Variants in ATXN7L1 observed in about 807,000 individuals in gnomAD.
The protein encoded by ATXN7L1 is ataxin 7 like 1.
In ATXN7L1, 15 loss-of-function variants were observed where a neutral mutation model predicts 70.8. The ratio of observed to expected loss-of-function variants is 0.21; its 90% CI spans 0.14 to 0.33. The LOEUF is 0.33. ATXN7L1 is among the 10% of genes least tolerant of loss of function. ATXN7L1 has a pLI of 1.00. For missense variants in ATXN7L1, 975 were observed against 1,097.1 expected (o/e 0.89, Z 1.57); for synonymous variants, 440 against 445.1 (o/e 0.99, Z 0.14).
chr7:105,707,034 C>G (rs963322251), intron 3 of ATXN7L1, among the ~76,000 whole-genome samples: 4 of 152,202 alleles, frequency 2.6e-5, no homozygotes, highest in Non-Finnish European at 4.4e-5. Flanking sequence ...TTGTTCCATG[C>G]AATGCACAGC....
intron 7 of ATXN7L1, among the ~76,000 whole-genome samples, chr7:105,630,919 A>T (rs1011996459): frequency 1.3e-5 from 2 of 152,068 alleles, no homozygotes; most frequent in African/African-American, 4.8e-5. Flanking sequence ...AACAAAAGAG[A>T]CACACAGGAA....
chr7:105,727,780 A>G (rs1319028373), intron 3 of ATXN7L1, among the ~76,000 whole-genome samples: 4 of 109,278 alleles, frequency 3.7e-5, no homozygotes, highest in Non-Finnish European at 7.2e-5. Context: ...ATATATATAC[A>G]CACACATACA....
At chr7:105,638,227 A>G in intron 7 of ATXN7L1, 126 bp downstream of exon 7, 3 of 1,289,168 alleles carry the variant, frequency 2.3e-6, no homozygotes, top group Non-Finnish European at 3.1e-6. Context: ...AAACTTTACT[A>G]CTTGCCTTAG....
At chr7:105,788,289 C>A (rs1028831935) in intron 3 of ATXN7L1, 1 of 284,978 alleles carries the variant, frequency 3.5e-6, no homozygotes, top group Non-Finnish European at 6.8e-6. Flanking sequence ...AGGAGCGACT[C>A]CTTAAGCAGC....
intron 3 of ATXN7L1, among the ~76,000 whole-genome samples, chr7:105,683,913 T>C (rs536972959): frequency 2.0e-5 from 3 of 152,250 alleles, no homozygotes; most frequent in African/African-American, 7.2e-5. Context: ...GACCTTGAAG[T>C]TGGGACTAAC....
chr7:105,825,625 T>TTTTTTTTTTTTTTTTG (rs1563124044), intron 2 of ATXN7L1, among the ~76,000 whole-genome samples: 1 of 151,834 alleles, frequency 6.6e-6, no homozygotes, highest in Non-Finnish European at 1.5e-5. Flanking sequence ...AGCATGTTTT[T>TTTTTTTTTTTTTTTTG]AAGACACAAG....
intron 4 of ATXN7L1, among the ~76,000 whole-genome samples, chr7:105,645,965 C>G (rs2115948223): frequency 6.6e-6 from 1 of 151,828 alleles, no homozygotes; most frequent in Non-Finnish European, 1.5e-5. Flanking sequence ...TGAGATCATG[C>G]CACTGTACTC....
At chr7:105,673,841 C>G (rs913525229) in intron 3 of ATXN7L1, among the ~76,000 whole-genome samples, 3 of 152,220 alleles carry the variant, frequency 2.0e-5, no homozygotes, top group South Asian at 2.1e-4. Flanking sequence ...GAACCTGGGC[C>G]TGTTGTCTCA....
intron 3 of ATXN7L1, among the ~76,000 whole-genome samples, chr7:105,733,574 C>T (rs1193473826): frequency 7.2e-6 from 1 of 138,418 alleles, no homozygotes; most frequent in African/African-American, 2.8e-5. Context: ...ATCCTTCCAT[C>T]CATCCACCCA....
intron 8 of ATXN7L1, among the ~76,000 whole-genome samples, chr7:105,621,572 A>G (rs942192604): frequency 1.3e-5 from 2 of 152,230 alleles, no homozygotes; most frequent in East Asian, 3.8e-4. Context: ...TGTGGATGAA[A>G]TATTGGCATT....
intron 2 of ATXN7L1, among the ~76,000 whole-genome samples, chr7:105,823,807 T>C (rs1810482162): frequency 1.3e-5 from 2 of 152,208 alleles, no homozygotes; most frequent in African/African-American, 4.8e-5. Flanking sequence ...CAGTGATCTA[T>C]GTGTCTACAG....
chr7:105,731,460 G>T (rs1346201680), intron 3 of ATXN7L1, among the ~76,000 whole-genome samples: 1 of 141,792 alleles, frequency 7.1e-6, no homozygotes, highest in Middle Eastern at 3.5e-3. Flanking sequence ...TTGAGATGGA[G>T]TCTCGCTCCT....
intron 1 of ATXN7L1, 80 bp from the exon 2 acceptor site, chr7:105,875,960 G>C: frequency 8.3e-7 from 1 of 1,209,816 alleles, no homozygotes; most frequent in East Asian, 2.3e-5. Flanking sequence ...GGGAGGGAGA[G>C]TGTTTATTTG....
At chr7:105,704,584 CTTTTTTTTT>C (rs11329205) in intron 3 of ATXN7L1, among the ~76,000 whole-genome samples, 20 of 89,504 alleles carry the variant, frequency 2.2e-4, no homozygotes, top group African/African-American at 7.2e-4. Flanking sequence ...GGTTTTATCT[CTTTTTTTTT>C]TTTTTTTTTT....
chr7:105,852,192 A>T (rs1350836938), intron 2 of ATXN7L1, among the ~76,000 whole-genome samples: 1 of 152,090 alleles, frequency 6.6e-6, no homozygotes, highest in East Asian at 1.9e-4. Context: ...TTCTTTATTG[A>T]CAGGCAGCCC....
At chr7:105,618,800 G>A (rs555718559) in intron 9 of ATXN7L1, among the ~76,000 whole-genome samples, 3 of 152,262 alleles carry the variant, frequency 2.0e-5, no homozygotes, top group Admixed American at 6.5e-5. Flanking sequence ...CCAGTGGGCC[G>A]GCCTTACATT....
At chr7:105,736,658 C>A (rs1454890996) in intron 3 of ATXN7L1, among the ~76,000 whole-genome samples, 1 of 152,070 alleles carries the variant, frequency 6.6e-6, no homozygotes, top group East Asian at 1.9e-4. Flanking sequence ...GTAAACCAGG[C>A]CTGTGGGCTT....
chr7:105,713,426 G>A (rs1226585374), intron 3 of ATXN7L1, among the ~76,000 whole-genome samples: 1 of 152,248 alleles, frequency 6.6e-6, no homozygotes, highest in Non-Finnish European at 1.5e-5. Context: ...CTGTGCCAGA[G>A]CCCAATGCGT....
chr7:105,711,179 C>T (rs1297837650), intron 3 of ATXN7L1, among the ~76,000 whole-genome samples: 1 of 152,130 alleles, frequency 6.6e-6, no homozygotes, highest in African/African-American at 2.4e-5. Flanking sequence ...AGGGGAAACC[C>T]ATCCCCATGA....
Sources: allele counts gnomAD v4.1 joint callset (sites outside exome capture counted in the v4.1 genomes callset), GRCh38; gene constraint gnomAD v4.1.1; transcripts MANE v1.5; gene names NCBI Gene and HGNC (gene_info 2026-07-23, HGNC 2026-07-21).